GK5: variants seen among roughly 807,000 people sequenced by gnomAD.
GK5 encodes ATP:glycerol 3-phosphotransferase 5.
Under a neutral mutation model 77.3 loss-of-function variants are expected in GK5, and 39 were observed. The observed-to-expected ratio is 0.50, with a 90% confidence interval of 0.39 to 0.66. The LOEUF (loss-of-function observed/expected upper bound fraction) is 0.66. Among genes scored for constraint, GK5 ranks in the 30% least tolerant of loss-of-function variants. The pLI is 0.00. For missense variants in GK5, 487 were observed against 633.8 expected, an observed-to-expected ratio of 0.77 and a Z score of 2.49; for synonymous variants, 211 against 208.0, an observed-to-expected ratio of 1.01 and a Z score of -0.13.
intron 1 of GK5, among the ~76,000 whole-genome samples, chr3:142,220,169 G>A (rs1023009321): frequency 3.3e-5 from 5 of 151,978 alleles, no homozygotes; most frequent in African/African-American, 7.3e-5. Context: ...ACGGAGTCTC[G>A]CTGTGTTGCC....
intron 1 of GK5, among the ~76,000 whole-genome samples, 178 bp downstream of exon 1, chr3:142,225,131 A>G (rs917206656): frequency 6.6e-6 from 1 of 151,940 alleles, no homozygotes; most frequent in Non-Finnish European, 1.5e-5. Flanking sequence ...CAGACGAGGG[A>G]GGGAACGCGA....
At chr3:142,213,624 C>A (rs2064228708) in intron 2 of GK5, 23 bp from the exon 3 acceptor site, 17 of 1,491,720 alleles carry the variant, frequency 1.1e-5, no homozygotes, top group Non-Finnish European at 1.6e-5. Flanking sequence ...ATGGATAAAA[C>A]ACATGTTTTA....
chr3:142,180,296 CTTTCTTT>C (rs1372717448), intron 11 of GK5, among the ~76,000 whole-genome samples: 1 of 151,590 alleles, frequency 6.6e-6, no homozygotes, highest in Non-Finnish European at 1.5e-5. Flanking sequence ...TGCTTTCCCT[CTTTCTTT>C]TTTCTTTTTT....
At chr3:142,208,487 C>G (rs2064143659) in intron 3 of GK5, among the ~76,000 whole-genome samples, 1 of 152,124 alleles carries the variant, frequency 6.6e-6, no homozygotes, top group Non-Finnish European at 1.5e-5. Flanking sequence ...AGGTAAGGGT[C>G]CAATTTAATT....
chr3:142,173,143 A>G (rs1485362001), intron 12 of GK5: 1 of 422,660 alleles, frequency 2.4e-6, no homozygotes, highest in South Asian at 1.7e-5. Flanking sequence ...TGAGGCTGCA[A>G]TGAGCCGTGA....
At chr3:142,207,718 C>T (rs534783880) in intron 3 of GK5, among the ~76,000 whole-genome samples, 61 of 152,264 alleles carry the variant, frequency 4.0e-4, no homozygotes, top group Non-Finnish European at 8.1e-4. Flanking sequence ...GACCAGAAGG[C>T]GGTGACCCCC....
chr3:142,199,334 G>A (rs2063984369), intron 4 of GK5, among the ~76,000 whole-genome samples: 1 of 152,030 alleles, frequency 6.6e-6, no homozygotes, highest in Non-Finnish European at 1.5e-5. Flanking sequence ...AGGCCTCCCA[G>A]ATAAATCTAT....
intron 10 of GK5, among the ~76,000 whole-genome samples, chr3:142,182,235 T>C (rs1354802830): frequency 6.6e-6 from 1 of 152,170 alleles, no homozygotes; most frequent in Non-Finnish European, 1.5e-5. Context: ...AGCAAATTCT[T>C]AGCAATTGTC....
At chr3:142,202,056 A>G (rs2064033994) in intron 4 of GK5, among the ~76,000 whole-genome samples, 1 of 152,174 alleles carries the variant, frequency 6.6e-6, no homozygotes, top group Non-Finnish European at 1.5e-5. Flanking sequence ...TGCATGTACA[A>G]TGGCCTTAAG....
intron 7 of GK5, 75 bp from the exon 8 acceptor site, chr3:142,186,342 T>G (rs2063769763): frequency 9.7e-7 from 1 of 1,030,098 alleles, no homozygotes; most frequent in South Asian, 1.4e-5. Flanking sequence ...CAAAACATCA[T>G]GTTGTACATG....
intron 6 of GK5, among the ~76,000 whole-genome samples, chr3:142,186,788 A>G (rs6764179): frequency 0.5 from 76,354 of 151,688 alleles, 22,202 homozygotes; most frequent in African/African-American, 0.81. Flanking sequence ...GTGCCACCAC[A>G]CCCAGCTAAT....
intron 7 of GK5, 91 bp downstream of exon 7, chr3:142,186,361 G>T: frequency 1.0e-6 from 1 of 983,620 alleles, no homozygotes; most frequent in Non-Finnish European, 1.5e-6. Context: ...TGATATATTT[G>T]TCAATTAAAA....
chr3:142,182,303 A>C lies in GK5; in HGVS notation c.943+620T>G, dbSNP rs562312505. On this transcript the variant is annotated intron_variant, in intron 10 of 15. Transcript: ENST00000392993. Reference sequence around the variant, plus strand: ...TACCACTCAAAGAAATTCACAAAATAATTTTCTAACAAATAGAAAAAAAAA... The same window carrying C: ...TACCACTCAAAGAAATTCACAAAATCATTTTCTAACAAATAGAAAAAAAAA... 6.8e-4 allele frequency among the ~76,000 whole-genome samples: 103 copies of C among 152,222 alleles called. 1 individual carries two copies. Among genetic ancestry groups the C allele is most frequent in the Non-Finnish European group, 1.1e-3 (75 of 68,006 alleles).
chr3:142,221,413 CT>C (rs1217139307), intron 1 of GK5, among the ~76,000 whole-genome samples: 1 of 152,236 alleles, frequency 6.6e-6, no homozygotes, highest in Non-Finnish European at 1.5e-5. Context: ...CTTCCCCCCA[CT>C]TTACCAATCA....
chr3:142,220,538 C>G (rs2064330328), intron 1 of GK5, among the ~76,000 whole-genome samples: 2 of 152,144 alleles, frequency 1.3e-5, no homozygotes, highest in South Asian at 4.1e-4. Context: ...CACTGCACCT[C>G]TACTCACCTT....
intron 11 of GK5, 56 bp from the exon 12 acceptor site, chr3:142,177,632 G>A (rs1316827967): frequency 2.1e-6 from 2 of 955,002 alleles, no homozygotes; most frequent in South Asian, 2.8e-5. Flanking sequence ...AGGTTAGAGA[G>A]GCACAAACAG....
At chr3:142,210,004 T>C (rs760083413) in intron 3 of GK5, among the ~76,000 whole-genome samples, 12 of 152,026 alleles carry the variant, frequency 7.9e-5, no homozygotes, top group Non-Finnish European at 1.6e-4. Context: ...GGAAGTGTTA[T>C]CAGTTAGAGT....
In GK5 at chr3:142,170,309, T is replaced by C. The variant is rs774257349; in HGVS notation, c.1441+16A>G. 11 of 1,613,488 alleles carry C rather than the reference T, an allele frequency of 6.8e-6. No individual in the cohort carries two copies. The South Asian group carries it at 1.1e-4, about 16-fold the overall frequency. On this transcript the variant is annotated intron_variant, in intron 15 of 15. Transcript: ENST00000392993. ...GTTTGCAAGAAAACTCTCATTCTTA[T>C]AAATTTCACACATACCAACAGCAAG...
chr3:142,176,558 A>G (rs2063612823), intron 12 of GK5, among the ~76,000 whole-genome samples: 1 of 152,100 alleles, frequency 6.6e-6, no homozygotes, highest in South Asian at 2.1e-4. Flanking sequence ...AATTAAATAC[A>G]AAGTTAAATG....
Sources: gnomAD v4.1 joint callset for allele counts (sites outside exome capture counted in the v4.1 genomes callset) on GRCh38, gnomAD v4.1.1 for gene constraint, MANE v1.5 for transcripts, NCBI Gene and HGNC (gene_info 2026-07-23, HGNC 2026-07-21) for gene names.